NSMCE2: variants seen among roughly 807,000 people sequenced by gnomAD.
NSMCE2 encodes E3 SUMO-protein ligase NSE2.
NSMCE2 carries 24 observed loss-of-function variants against 23.8 expected under a neutral mutation model. The ratio of observed to expected loss-of-function variants is 1.01; its 90% confidence interval spans 0.73 to 1.42. The LOEUF (loss-of-function observed/expected upper bound fraction) is 1.42, where lower values mean the gene tolerates loss of function less well. Ranked by LOEUF, NSMCE2 falls within the 40% of genes most tolerant of loss-of-function variation. The pLI is 0.00. For missense variants in NSMCE2, 284 were observed against 296.5 expected (o/e 0.96, Z 0.31); for synonymous variants, 92 against 94.1 (o/e 0.98, Z 0.13).
intron 3 of NSMCE2, among the ~76,000 whole-genome samples, chr8:125,127,813 T>A (rs776534669): frequency 6.6e-6 from 1 of 152,216 alleles, no homozygotes; most frequent in African/African-American, 2.4e-5. Flanking sequence ...CATAATGAGA[T>A]ACCTTGGGGA....
chr8:125,129,156 G>C (rs1271525252), intron 3 of NSMCE2, among the ~76,000 whole-genome samples: 1 of 152,104 alleles, frequency 6.6e-6, no homozygotes, highest in Non-Finnish European at 1.5e-5. Flanking sequence ...ATGAATGTTT[G>C]TTTCTTAGGT....
chr8:125,228,721 G>A (rs1192840428), intron 5 of NSMCE2, among the ~76,000 whole-genome samples: 1 of 152,182 alleles, frequency 6.6e-6, no homozygotes, highest in Admixed American at 6.5e-5. Flanking sequence ...TGTAAAGGGG[G>A]TAAGGCAGAG....
chr8:125,166,024 G>A (rs1008007127), intron 4 of NSMCE2, among the ~76,000 whole-genome samples: 1 of 152,214 alleles, frequency 6.6e-6, no homozygotes. Context: ...TTATTGTGTT[G>A]GGTGAGATGT....
chr8:125,197,643 C>G (rs981926448), intron 5 of NSMCE2, among the ~76,000 whole-genome samples: 13 of 152,146 alleles, frequency 8.5e-5, no homozygotes, highest in African/African-American at 2.9e-4. Flanking sequence ...CAGCTTTGTT[C>G]TTTTTGCTTA....
intron 5 of NSMCE2, among the ~76,000 whole-genome samples, chr8:125,329,756 CT>C (rs1421496449): frequency 1.3e-5 from 2 of 152,282 alleles, no homozygotes; most frequent in South Asian, 2.1e-4. Flanking sequence ...CCTCGGTTTC[CT>C]CATCTGTAAA....
chr8:125,150,954 G>T (rs1013964293), intron 3 of NSMCE2, among the ~76,000 whole-genome samples: 11 of 152,216 alleles, frequency 7.2e-5, no homozygotes, highest in African/African-American at 2.6e-4. Context: ...GTCTTCTACT[G>T]AGTGTATTCT....
intron 5 of NSMCE2, among the ~76,000 whole-genome samples, chr8:125,288,063 C>T (rs893968792): frequency 4.6e-5 from 7 of 152,116 alleles, no homozygotes; most frequent in Non-Finnish European, 7.4e-5. Flanking sequence ...TGGCCTCAAG[C>T]GATCCTCCTG....
chr8:125,153,797 G>C (rs776064839), intron 4 of NSMCE2, among the ~76,000 whole-genome samples: 1 of 152,152 alleles, frequency 6.6e-6, no homozygotes, highest in Non-Finnish European at 1.5e-5. Context: ...CAAATTTGAT[G>C]GGGCTGTAAG....
At chr8:125,182,912 G>A (rs1822897567) in intron 5 of NSMCE2, 1 of 152,162 alleles carries the variant, frequency 6.6e-6, no homozygotes, top group Admixed American at 6.5e-5. Flanking sequence ...TTTCTGCACA[G>A]TAAAGTATAT....
At chr8:125,323,100 G>C (rs750512172) in intron 5 of NSMCE2, among the ~76,000 whole-genome samples, 9 of 152,186 alleles carry the variant, frequency 5.9e-5, no homozygotes, top group Non-Finnish European at 1.0e-4. Context: ...CGATGTATCT[G>C]ACTAAAGGTG....
chr8:125,180,427 C>A (rs1315345373), intron 4 of NSMCE2, among the ~76,000 whole-genome samples: 2 of 152,206 alleles, frequency 1.3e-5, no homozygotes, highest in Non-Finnish European at 2.9e-5. Context: ...ATTTTGGTTT[C>A]ATGCTTAATT....
intron 5 of NSMCE2, among the ~76,000 whole-genome samples, chr8:125,343,878 C>A (rs531777884): frequency 2.0e-5 from 3 of 151,898 alleles, no homozygotes; most frequent in Non-Finnish European, 2.9e-5. Context: ...TGGTGGCGGG[C>A]GCCTGTAGTC....
chr8:125,188,321 T>C (rs1397509114), intron 5 of NSMCE2, among the ~76,000 whole-genome samples: 5 of 152,212 alleles, frequency 3.3e-5, no homozygotes, highest in African/African-American at 9.6e-5. Flanking sequence ...GCTGTATTCC[T>C]TGAACTCCAG....
intron 5 of NSMCE2, among the ~76,000 whole-genome samples, chr8:125,203,304 C>T (rs1823967831): frequency 6.6e-6 from 1 of 151,764 alleles, no homozygotes; most frequent in African/African-American, 2.4e-5. Flanking sequence ...ACCTGTTTGC[C>T]AGATTATAGA....
At chr8:125,258,602 G>A (rs1826541888) in intron 5 of NSMCE2, among the ~76,000 whole-genome samples, 1 of 152,158 alleles carries the variant, frequency 6.6e-6, no homozygotes, top group South Asian at 2.1e-4. Flanking sequence ...AGGATGGCTT[G>A]TTTTGTTTTT....
At chr8:125,308,682 A>G (rs1828854604) in intron 5 of NSMCE2, among the ~76,000 whole-genome samples, 1 of 152,192 alleles carries the variant, frequency 6.6e-6, no homozygotes, top group African/African-American at 2.4e-5. Context: ...ACACAAAAGC[A>G]TCTGCAAATT....
chr8:125,275,878 C>A (rs962152001), intron 5 of NSMCE2, among the ~76,000 whole-genome samples: 9 of 152,242 alleles, frequency 5.9e-5, no homozygotes, highest in Middle Eastern at 3.4e-3. Context: ...CTGCAAAACC[C>A]AAGTGTCTTC....
intron 3 of NSMCE2, among the ~76,000 whole-genome samples, chr8:125,141,030 A>G (rs1236602023): frequency 2.0e-5 from 3 of 152,198 alleles, no homozygotes; most frequent in African/African-American, 7.2e-5. Context: ...TTAAAATGAC[A>G]GATTCCCATA....
chr8:125,111,084 C>T (rs1818721523), intron 3 of NSMCE2, among the ~76,000 whole-genome samples: 1 of 152,116 alleles, frequency 6.6e-6, no homozygotes, highest in African/African-American at 2.4e-5. Flanking sequence ...TTCATACATC[C>T]ACAACTTGTG....
Sources: gnomAD v4.1 joint callset for allele counts (sites outside exome capture counted in the v4.1 genomes callset) on GRCh38, gnomAD v4.1.1 for gene constraint, MANE v1.5 for transcripts, NCBI Gene and HGNC (gene_info 2026-07-23, HGNC 2026-07-21) for gene names.